BNC2: variants seen among roughly 807,000 people sequenced by gnomAD.
The protein encoded by BNC2 is zinc finger protein basonuclin-2.
A neutral mutation model predicts 76.3 loss-of-function variants in BNC2; 20 were observed. The ratio of observed to expected loss-of-function variants is 0.26; its 90% CI spans 0.18 to 0.38. The LOEUF (loss-of-function observed/expected upper bound fraction) is 0.38. BNC2 is among the 10% of genes least tolerant of loss of function. The pLI is 1.00. For synonymous variants in BNC2, 582 were observed against 514.8 expected (o/e 1.13, Z -1.77); for missense variants, 1,382 against 1,399.8 (o/e 0.99, Z 0.20).
chr9:16,808,398 C>T (rs1488286353), intron 1 of BNC2, among the ~76,000 whole-genome samples: 1 of 149,996 alleles, frequency 6.7e-6, no homozygotes. Context: ...TAGAGGCTAA[C>T]AGCTGTCAGG....
intron 5 of BNC2, among the ~76,000 whole-genome samples, chr9:16,439,505 A>G (rs907854489): frequency 6.6e-6 from 1 of 152,200 alleles, no homozygotes; most frequent in African/African-American, 2.4e-5. Context: ...GTAGTAGTAT[A>G]CCCATCTGAA....
intron 5 of BNC2, among the ~76,000 whole-genome samples, chr9:16,460,402 T>C (rs62540625): frequency 0.025 from 3,742 of 151,892 alleles, 62 homozygotes; most frequent in Middle Eastern, 0.079. Flanking sequence ...GCGGGTGGAT[T>C]GCTTGAGGCC....
At chr9:16,586,397 C>T (rs1320292034) in intron 3 of BNC2, among the ~76,000 whole-genome samples, 1 of 152,184 alleles carries the variant, frequency 6.6e-6, no homozygotes, top group African/African-American at 2.4e-5. Context: ...TCACCACCAC[C>T]TACATTTTAA....
At chr9:16,529,301 T>A (rs763727663) in intron 5 of BNC2, among the ~76,000 whole-genome samples, 1 of 152,204 alleles carries the variant, frequency 6.6e-6, no homozygotes, top group Non-Finnish European at 1.5e-5. Context: ...ACAAGATATA[T>A]TTTTTAAACA....
intron 5 of BNC2, among the ~76,000 whole-genome samples, chr9:16,465,715 A>G (rs941223203): frequency 6.6e-6 from 1 of 152,170 alleles, no homozygotes; most frequent in Non-Finnish European, 1.5e-5. Flanking sequence ...GAAATTCAAC[A>G]CTTTCTTAAC....
rs1262081808 is a variant in BNC2, at chr9:16,657,181, G to C, written c.330+70616C>G. 2.6e-5 allele frequency among the ~76,000 whole-genome samples: 4 copies of C among 152,052 alleles called. No homozygotes were observed. In the East Asian group the frequency reaches 7.7e-4, roughly 29 times the overall value. On this transcript the variant is annotated intron_variant, in intron 3 of 6. Transcript: ENST00000380672. ...AATCTGCAGAAATTTAAAATAATGG[G>C]AATGAGTACAACTACCCCAAGTGTG... is the stretch of plus-strand genomic sequence containing the variant.
Position 16,665,855 on chromosome 9 carries a change from G to A in BNC2, c.330+61942C>T, listed in dbSNP as rs746397947. ...ATCTGTAAACAAATACTTCCTACCT[G>A]TTGAACCTCTCCTAGTAAATCATCT... On this transcript the variant is annotated intron_variant, in intron 3 of 6. Coordinates refer to ENST00000380672, the MANE Select transcript of BNC2 (RefSeq NM_017637.6). Among the ~76,000 whole-genome samples the A allele has an allele frequency of 5.9e-5, 9 of 152,042 alleles. No homozygotes were observed. In the South Asian group the frequency reaches 6.2e-4, roughly 11 times the overall value.
intron 1 of BNC2, among the ~76,000 whole-genome samples, chr9:16,761,917 C>T (rs1053652297): frequency 6.6e-6 from 1 of 151,948 alleles, no homozygotes; most frequent in Non-Finnish European, 1.5e-5. Context: ...GTAATCAGTC[C>T]ACAAATAAGG....
intron 5 of BNC2, among the ~76,000 whole-genome samples, chr9:16,509,807 A>G (rs1358524662): frequency 6.6e-6 from 1 of 152,206 alleles, no homozygotes; most frequent in Non-Finnish European, 1.5e-5. Flanking sequence ...TTTAACTACT[A>G]AAGAAGAAAT....
At chr9:16,431,493 A>C (rs1448721999) in intron 6 of BNC2, 1 of 469,736 alleles carries the variant, frequency 2.1e-6, no homozygotes, top group Non-Finnish European at 4.4e-6. Context: ...TCTTCCTAGG[A>C]AAGATTTCAT....
At chr9:16,561,398 T>C (rs1819011056) in intron 4 of BNC2, among the ~76,000 whole-genome samples, 1 of 152,156 alleles carries the variant, frequency 6.6e-6, no homozygotes, top group African/African-American at 2.4e-5. Context: ...ATTACTCCAC[T>C]GGGACATGAC....
chr9:16,840,688 T>C (rs1818803797), intron 1 of BNC2, among the ~76,000 whole-genome samples: 1 of 152,214 alleles, frequency 6.6e-6, no homozygotes, highest in African/African-American at 2.4e-5. Context: ...AAAATTGGTA[T>C]TCCTATGCTT....
chr9:16,648,515 C>T (rs542195755), intron 3 of BNC2, among the ~76,000 whole-genome samples: 24 of 152,264 alleles, frequency 1.6e-4, no homozygotes, highest in Middle Eastern at 3.4e-3. Context: ...TTGGCTTCCT[C>T]GAAGACTAAG....
chr9:16,682,201 T>C (rs1822844811), intron 3 of BNC2, among the ~76,000 whole-genome samples: 1 of 151,380 alleles, frequency 6.6e-6, no homozygotes, highest in South Asian at 2.1e-4. Context: ...ATTTGCTGGC[T>C]TCATTGTGAG....
chr9:16,655,569 A>G (rs1395973001), intron 3 of BNC2, among the ~76,000 whole-genome samples: 1 of 152,218 alleles, frequency 6.6e-6, no homozygotes, highest in Non-Finnish European at 1.5e-5. Context: ...CTAGCACAAA[A>G]CAAAATTCAA....
At chr9:16,508,816 C>A (rs1317577259) in intron 5 of BNC2, among the ~76,000 whole-genome samples, 1 of 131,764 alleles carries the variant, frequency 7.6e-6, no homozygotes, top group East Asian at 2.3e-4. Flanking sequence ...GTATGTTTTG[C>A]ACATCTTTTT....
At chr9:16,790,008 AT>A (rs947883389) in intron 1 of BNC2, among the ~76,000 whole-genome samples, 5 of 151,582 alleles carry the variant, frequency 3.3e-5, no homozygotes, top group African/African-American at 4.8e-5. Context: ...ATGTGAAATG[AT>A]TTTTTTTTGA....
chr9:16,748,435 C>A (rs1825073095), intron 1 of BNC2, among the ~76,000 whole-genome samples: 1 of 152,082 alleles, frequency 6.6e-6, no homozygotes, highest in African/African-American at 2.4e-5. Flanking sequence ...GTCACCTGAG[C>A]CCGGGGTGGT....
chr9:16,419,193 A>G lies in BNC2; in HGVS notation c.3096T>C (p.Asn1032=). The part of the protein sequence containing the change: ...SLMFSSLSGS[N]GGIMCNICHK... The stretch of plus-strand genomic sequence containing the variant: ...GGCAAATGTTGCACATGATCCCACC[A>G]TTGCTCCCAGACAAGCTGCTGAACA... The change falls in exon 7 of 7, where the codon AAT becomes AAC. Residue 1032 remains asparagine, a synonymous_variant. Coordinates refer to ENST00000380672, the MANE Select transcript of BNC2 (RefSeq NM_017637.6). 1.9e-6 allele frequency: 3 copies of G among 1,614,132 alleles called. No homozygotes were observed. Among genetic ancestry groups the G allele is most frequent in the Non-Finnish European group, 8.5e-7 (1 of 1,180,028 alleles).
Sources: gnomAD v4.1 joint callset for allele counts (sites outside exome capture counted in the v4.1 genomes callset) on GRCh38, gnomAD v4.1.1 for gene constraint, MANE v1.5 for transcripts, NCBI Gene and HGNC (gene_info 2026-07-23, HGNC 2026-07-21) for gene names.